The following ZBTB1 variants were observed in gnomAD, a reference collection of about 807,000 sequenced individuals.
ZBTB1 encodes the protein zinc finger and BTB domain-containing protein 1.
In ZBTB1, 13 loss-of-function variants were observed where a neutral mutation model predicts 51.6. The ratio of observed to expected loss-of-function variants is 0.25; its 90% CI spans 0.16 to 0.40. ZBTB1 has a LOEUF of 0.40. Among genes scored for constraint, ZBTB1 ranks in the 10% least tolerant of loss-of-function variants. The probability of loss-of-function intolerance (pLI) is 1.00; values close to 1 mark genes in which losing one functional copy is unlikely to be tolerated. For missense variants in ZBTB1, 567 were observed against 856.5 expected, an observed-to-expected ratio of 0.66 and a Z score of 4.22; for synonymous variants, 240 against 282.2, an observed-to-expected ratio of 0.85 and a Z score of 1.50.
chr14:64,505,975 G>A (rs1017476329), intron 1 of ZBTB1, among the ~76,000 whole-genome samples: 2 of 152,218 alleles, frequency 1.3e-5, no homozygotes, highest in Admixed American at 6.5e-5. Context: ...GGTGAAGGAT[G>A]CAGGTCTCAT....
chr14:64,521,948 T>G lies in ZBTB1; in HGVS notation c.444T>G (p.Thr148=), dbSNP rs769530319. 79 of 1,614,110 alleles carry G rather than the reference T, an allele frequency of 4.9e-5. No homozygotes were observed. The highest frequency in any genetic ancestry group is 6.6e-5 in the Non-Finnish European group (78 of 1,180,050). The change falls in exon 2 of 2, where the codon ACT becomes ACG. Residue 148 remains threonine (T), a synonymous_variant. Coordinates refer to ENST00000683701, the MANE Select transcript of ZBTB1 (RefSeq NM_001123329.2). ...MIFGVRMYED[T]VARNGNEANR... is the part of the protein sequence containing the mutation. ...TTGGGGTAAGAATGTATGAAGATAC[T>G]GTGGCTCGAAATGGCAATGAAGCCA...
chr14:64,526,176 C>A (rs951420316), downstream of ZBTB1, among the ~76,000 whole-genome samples: 8 of 152,114 alleles, frequency 5.3e-5, no homozygotes, highest in African/African-American at 1.7e-4. Flanking sequence ...TGTTTTGGAG[C>A]TAGCTACAGG....
intron 1 of ZBTB1, among the ~76,000 whole-genome samples, chr14:64,511,908 G>A (rs1271602905): frequency 1.3e-5 from 2 of 152,234 alleles, no homozygotes; most frequent in Non-Finnish European, 2.9e-5. Context: ...GTAGGCTGCA[G>A]TTAGAGTAGT....
intron 1 of ZBTB1, among the ~76,000 whole-genome samples, chr14:64,513,248 CATATGTGT>C (rs921220446): frequency 1.9e-4 from 28 of 150,978 alleles, no homozygotes; most frequent in African/African-American, 6.4e-4. Flanking sequence ...CATATATATC[CATATGTGT>C]ATATGTGTAA....
chr14:64,523,043 C>T lies in ZBTB1; in HGVS notation c.1539C>T (p.Asp513=). 6.2e-7 allele frequency: 1 copy of T among 1,614,140 alleles called. No homozygotes were observed. The change falls in exon 2 of 2, where the codon GAC becomes GAT. Residue 513 remains aspartate, a synonymous_variant. Coordinates refer to ENST00000683701, the MANE Select transcript of ZBTB1 (RefSeq NM_001123329.2). This position sits in a 1 kb window ranked among gnomAD's most constrained non-coding sequence, Gnocchi z 4.5. Reference sequence around the variant, plus strand: ...TTGAAATGCTGGATGATTTTAGGGACAATCATTACCAGATAAACAGTATCC... The same window carrying T: ...TTGAAATGCTGGATGATTTTAGGGATAATCATTACCAGATAAACAGTATCC... ...MFVEMLDDFR[D]NHYQINSIQK...
chr14:64,505,331 T>G, intron 1 of ZBTB1: 1 of 159,158 alleles, frequency 6.3e-6, no homozygotes, highest in Non-Finnish European at 1.4e-5. Context: ...CAGCTGCGGC[T>G]CGGCGGCGGG....
Position 64,523,860 on chromosome 14 carries a change from TTTAG to T in ZBTB1, c.*217_*220del. ...TTGTTTCTTAATAGAATTATTTGTT[TTTAG>T]TTTTTCTTAGCTATGATTAAAATTT... On this transcript the variant is annotated 3_prime_UTR_variant, in exon 2 of 2. Coordinates refer to ENST00000683701, the MANE Select transcript of ZBTB1 (RefSeq NM_001123329.2). The surrounding 1 kb of genome is among the most constrained non-coding windows in gnomAD (Gnocchi z 4.5). 1.6e-6 allele frequency: 2 copies of T among 1,242,082 alleles called. No individual in the cohort carries two copies. The highest frequency in any genetic ancestry group is 2.0e-6 in the Non-Finnish European group (2 of 977,170). 76.9% of individuals were successfully genotyped at this position (1,242,082 alleles called of 1,614,324 possible). A position where few individuals can be genotyped will look rare whatever the true frequency, so the allele number is the denominator to read the frequency against.
rs2079860731 is a variant in ZBTB1 at position 64,521,601 on chromosome 14, A to G, written c.97A>G (p.Ile33Val). 6.2e-7 allele frequency: 1 copy of G among 1,614,074 alleles called. No homozygotes were observed. Among genetic ancestry groups the G allele is most frequent in the Admixed American group, 1.7e-5 (1 of 60,004 alleles). Reference sequence around the variant, plus strand: ...TGACTGCTGTATTGCAATTGATGACATTTACTTTCAAGCACACAAGGCAGT... The same window carrying G: ...TGACTGCTGTATTGCAATTGATGACGTTTACTTTCAAGCACACAAGGCAGT... ...LCDCCIAIDD[I>V]YFQAHKAVLA... Residue 33 changes from isoleucine to valine, a missense_variant, in exon 2 of 2, where the codon ATT (isoleucine) becomes GTT (valine). Physicochemically the swap from Ile to Val is conservative, Grantham distance 29. Coordinates refer to ENST00000683701, the MANE Select transcript of ZBTB1 (RefSeq NM_001123329.2).
chr14:64,505,600 G>A (rs1170256991), intron 1 of ZBTB1, among the ~76,000 whole-genome samples: 1 of 152,194 alleles, frequency 6.6e-6, no homozygotes, highest in Non-Finnish European at 1.5e-5. Flanking sequence ...GATGCAGATC[G>A]GGAGTCGTTA....
upstream of ZBTB1, chr14:64,504,698 G>A (rs945746755): frequency 1.2e-4 from 45 of 366,648 alleles, no homozygotes; most frequent in Admixed American, 3.7e-4. Flanking sequence ...GGGCAGACCC[G>A]GAGTCGCCGC....
Position 64,522,680 on chromosome 14 carries a change from G to A in ZBTB1, c.1176G>A (p.Met392Ile), listed in dbSNP as rs780786177. Residue 392 changes from methionine to isoleucine, a missense_variant, in exon 2 of 2, where the codon ATG becomes ATA. Around this residue, in one of 5 missense-constraint regions of ZBTB1, gnomAD observed 329 missense variants for 406.3 expected, o/e 0.81. Coordinates refer to ENST00000683701, the MANE Select transcript of ZBTB1 (RefSeq NM_001123329.2). ...KSGRKTLKPR[M>I]SVSADERGGL... ...GTAGGAAAACTCTAAAACCTCGAAT[G>A]TCAGTAAGTGCTGATGAAAGAGGTG... The A allele has an allele frequency of 1.9e-6, 3 of 1,614,070 alleles. No homozygotes were observed. In the African/African-American group the frequency reaches 4.0e-5, roughly 22 times the overall value.
downstream of ZBTB1, among the ~76,000 whole-genome samples, chr14:64,527,461 A>G (rs898412664): frequency 1.3e-5 from 2 of 152,138 alleles, no homozygotes; most frequent in Non-Finnish European, 2.9e-5. Context: ...ATACAAAAAA[A>G]TTAGCCAGGC....
downstream of ZBTB1, among the ~76,000 whole-genome samples, chr14:64,527,646 C>T (rs1022606867): frequency 6.6e-6 from 1 of 151,670 alleles, no homozygotes; most frequent in African/African-American, 2.4e-5. Flanking sequence ...GTGGCGCGCA[C>T]CTGTAATCCC....
chr14:64,527,995 G>A (rs559077628), downstream of ZBTB1, among the ~76,000 whole-genome samples: 5 of 152,062 alleles, frequency 3.3e-5, no homozygotes, highest in East Asian at 9.6e-4. Flanking sequence ...GATGAGAGAG[G>A]AAAAAGTAAT....
chr14:64,508,374 G>A (rs2079688998), intron 1 of ZBTB1, among the ~76,000 whole-genome samples: 1 of 152,160 alleles, frequency 6.6e-6, no homozygotes, highest in Non-Finnish European at 1.5e-5. Flanking sequence ...GTGGACAGTG[G>A]GGAGTTAGCA....
chr14:64,524,748 T>G lies in ZBTB1; in HGVS notation c.*1102T>G, dbSNP rs984523600. ...GGCAAATTGCAGTTTATCGCCATAT[T>G]TTATTATCATTTTTTTCTGTAAAAG... On this transcript the variant is annotated 3_prime_UTR_variant, in exon 2 of 2. Coordinates refer to ENST00000683701, the MANE Select transcript of ZBTB1 (RefSeq NM_001123329.2). 2.5e-5 allele frequency: 25 copies of G among 982,442 alleles called. No homozygotes were observed. Among genetic ancestry groups the G allele is most frequent in the Non-Finnish European group, 2.8e-5 (23 of 827,336 alleles). 60.9% of individuals were successfully genotyped at this position (982,442 alleles called of 1,614,324 possible). A position where few individuals can be genotyped will look rare whatever the true frequency, so the allele number is the denominator to read the frequency against.
chr14:64,510,197 T>TA (rs1193283471), intron 1 of ZBTB1, among the ~76,000 whole-genome samples: 1 of 152,172 alleles, frequency 6.6e-6, no homozygotes, highest in Non-Finnish European at 1.5e-5. Flanking sequence ...ATTTAGCACT[T>TA]ACTCCATGAG....
rs1596698879 is a variant in ZBTB1 at position 64,521,388 on chromosome 14, T to C, written c.-18-99T>C. 3 of 760,216 alleles carry C rather than the reference T, an allele frequency of 3.9e-6. No individual in the cohort carries two copies. The East Asian group carries it at 9.1e-5, about 23-fold the overall frequency. 47.1% of individuals were successfully genotyped at this position (760,216 alleles called of 1,614,324 possible). On this transcript the variant is annotated intron_variant, in intron 1 of 1. Transcript: ENST00000683701. ...AATGGAAAGCTCTTAATTTCTTGAT[T>C]GTAATAGCAGTCATGCAAGTCACAA...
intron 1 of ZBTB1, 102 bp downstream of exon 1, chr14:64,505,048 T>C: frequency 2.7e-6 from 1 of 375,866 alleles, no homozygotes; most frequent in Non-Finnish European, 4.7e-6. Flanking sequence ...GGGGCGCCGA[T>C]CCGTGCGGGG....
Sources: allele counts gnomAD v4.1 joint callset (sites outside exome capture counted in the v4.1 genomes callset), GRCh38; gene constraint gnomAD v4.1.1; regional missense constraint gnomAD v4.1.1; non-coding constraint Gnocchi (gnomAD v3.1); transcripts MANE v1.5; gene names NCBI Gene and HGNC (gene_info 2026-07-23, HGNC 2026-07-21).